FLVCR1: variants seen among roughly 807,000 people sequenced by gnomAD.
The protein encoded by FLVCR1 is FLVCR choline and heme transporter 1.
FLVCR1 carries 34 observed loss-of-function variants against 53.6 expected under a neutral mutation model. That is an observed-to-expected ratio of 0.63 (90% CI 0.48 to 0.84). FLVCR1 has a LOEUF of 0.84. FLVCR1 is among the 40% of genes least tolerant of loss of function. The pLI, the probability that FLVCR1 is intolerant of heterozygous loss-of-function variation, is 0.00. For missense variants in FLVCR1, 677 were observed against 696.7 expected, an observed-to-expected ratio of 0.97 and a Z score of 0.32; for synonymous variants, 300 against 286.3, an observed-to-expected ratio of 1.05 and a Z score of -0.48.
rs1664091987 is a variant in FLVCR1, at chr1:212,858,491, G to A, written c.39G>A (p.Ala13=). The A allele has an allele frequency of 1.4e-6, 2 of 1,444,926 alleles. No individual in the cohort carries two copies. Among genetic ancestry groups the A allele is most frequent in the Non-Finnish European group, 1.8e-6 (2 of 1,103,366 alleles). 89.5% of individuals were successfully genotyped at this position (1,444,926 alleles called of 1,614,324 possible). Residue 13 remains alanine (A), a synonymous_variant, in exon 1 of 10, where the codon GCG becomes GCA. Transcript: ENST00000366971. ...ACGATGAGGAGGGGGCGGCGGTGGC[G>A]CCCGGACACCCGCTCGCGAAAGGAT... ...RPDDEEGAAV[A]PGHPLAKGYL... is the part of the protein sequence containing the mutation.
intron 3 of FLVCR1, among the ~76,000 whole-genome samples, chr1:212,882,864 T>C (rs943455078): frequency 1.4e-5 from 2 of 142,288 alleles, no homozygotes; most frequent in African/African-American, 5.0e-5. Flanking sequence ...GCACCACTAC[T>C]CTCCAGCCTG....
rs1665347253 is a variant in FLVCR1 at position 212,896,854 on chromosome 1, C to A, written c.*1564C>A. 2.8e-5 allele frequency: 1 copy of A among 36,034 alleles called. No individual in the cohort carries two copies. Among genetic ancestry groups the A allele is most frequent in the Non-Finnish European group, 4.4e-5 (1 of 22,526 alleles). 2.2% of individuals were successfully genotyped at this position (36,034 alleles called of 1,614,324 possible). On this transcript the variant is annotated 3_prime_UTR_variant, in exon 10 of 10. Coordinates refer to ENST00000366971, the MANE Select transcript of FLVCR1 (RefSeq NM_014053.4). ...CCAACATGGTAAAACCCCATCTCTA[C>A]TAAAAAAAAAAAAAAAAAAAAAAAA...
At chr1:212,876,976 C>T (rs1664769783) in intron 3 of FLVCR1, among the ~76,000 whole-genome samples, 1 of 152,060 alleles carries the variant, frequency 6.6e-6, no homozygotes, top group Non-Finnish European at 1.5e-5. Context: ...GTTCCTTTTT[C>T]TCCACAACCT....
chr1:212,889,336 C>T, intron 8 of FLVCR1, 79 bp downstream of exon 8: 1 of 909,708 alleles, frequency 1.1e-6, no homozygotes. Context: ...AATAGCTTGA[C>T]AGAACTCAAG....
At chr1:212,861,035 A>G (rs953095610) in intron 1 of FLVCR1, among the ~76,000 whole-genome samples, 6 of 152,150 alleles carry the variant, frequency 3.9e-5, no homozygotes, top group Admixed American at 2.6e-4. Flanking sequence ...ACAATGTGCA[A>G]ATCTGTTCCG....
intron 3 of FLVCR1, among the ~76,000 whole-genome samples, chr1:212,883,130 T>C (rs1664967279): frequency 6.6e-6 from 1 of 152,174 alleles, no homozygotes; most frequent in Admixed American, 6.5e-5. Flanking sequence ...ATAATAGTAT[T>C]AGGACAGAGT....
intron 2 of FLVCR1, among the ~76,000 whole-genome samples, chr1:212,865,146 T>TG (rs1664368560): frequency 1.3e-5 from 2 of 151,976 alleles, no homozygotes; most frequent in African/African-American, 4.8e-5. Context: ...CTTTTTTTTT[T>TG]TATTATAAGT....
At position 212,871,170 on chromosome 1, in the gene FLVCR1, A is replaced by G. The variant is rs75047090; in HGVS notation, c.884-1508A>G. Among the ~76,000 whole-genome samples the G allele has an allele frequency of 7.6e-3, 1,164 of 152,296 alleles. 18 individuals carry two copies. The highest frequency in any genetic ancestry group is 0.026 in the African/African-American group (1,086 of 41,548). ...ATGCCTTTAATAATCAGTGGCATCT[A>G]ACATTTGTGGTAATTGAGATATGGT... On this transcript the variant is annotated intron_variant, in intron 2 of 9. Transcript: ENST00000366971.
At chr1:212,891,943 T>C (rs1474160532) in intron 8 of FLVCR1, among the ~76,000 whole-genome samples, 1 of 152,226 alleles carries the variant, frequency 6.6e-6, no homozygotes, top group African/African-American at 2.4e-5. Context: ...TTGAGTGGTC[T>C]TGTTAGAAGA....
chr1:212,894,810 TATTA>T (rs1190396896), intron 8 of FLVCR1, among the ~76,000 whole-genome samples, 172 bp from the exon 9 acceptor site: 1 of 152,214 alleles, frequency 6.6e-6, no homozygotes, highest in African/African-American at 2.4e-5. Flanking sequence ...ATGAATGACT[TATTA>T]ATTGTTAACA....
intron 3 of FLVCR1, among the ~76,000 whole-genome samples, chr1:212,879,637 C>A: frequency 6.6e-6 from 1 of 152,084 alleles, no homozygotes; most frequent in East Asian, 1.9e-4. Context: ...CTCACTGCAG[C>A]CTTCACCTCC....
At chr1:212,864,819 C>G (rs1664358801) in intron 2 of FLVCR1, among the ~76,000 whole-genome samples, 1 of 152,072 alleles carries the variant, frequency 6.6e-6, no homozygotes, top group African/African-American at 2.4e-5. Context: ...TCTTAGTTTT[C>G]AAAGAAATGT....
intron 3 of FLVCR1, among the ~76,000 whole-genome samples, chr1:212,880,716 T>C (rs913469977): frequency 5.9e-5 from 9 of 151,698 alleles, no homozygotes; most frequent in African/African-American, 2.2e-4. Flanking sequence ...GAGAATCACT[T>C]GAGCCTGGCA....
At chr1:212,881,619 C>T (rs1664933285) in intron 3 of FLVCR1, among the ~76,000 whole-genome samples, 1 of 152,062 alleles carries the variant, frequency 6.6e-6, no homozygotes, top group African/African-American at 2.4e-5. Context: ...CCTCAGCCTC[C>T]CAAAGTGTTG....
chr1:212,860,052 G>C (rs1285229502), intron 1 of FLVCR1, among the ~76,000 whole-genome samples: 1 of 152,184 alleles, frequency 6.6e-6, no homozygotes, highest in African/African-American at 2.4e-5. Context: ...GGAGGCTGAG[G>C]CAGGCGGATC....
chr1:212,860,351 T>TG (rs1664190553), intron 1 of FLVCR1, among the ~76,000 whole-genome samples: 1 of 68,214 alleles, frequency 1.5e-5, no homozygotes, highest in Non-Finnish European at 3.0e-5. Flanking sequence ...GTGTGTGTGG[T>TG]TTTTTTTTTT....
intron 2 of FLVCR1, among the ~76,000 whole-genome samples, chr1:212,870,702 T>TA (rs11334767): frequency 6.6e-6 from 1 of 152,036 alleles, no homozygotes; most frequent in Non-Finnish European, 1.5e-5. Flanking sequence ...TCCTAATTTC[T>TA]AAAAAAAATT....
chr1:212,867,157 T>G (rs1664461613), intron 2 of FLVCR1, among the ~76,000 whole-genome samples: 1 of 152,262 alleles, frequency 6.6e-6, no homozygotes, highest in South Asian at 2.1e-4. Flanking sequence ...GCAGTCTGCT[T>G]AAAATATTTT....
At position 212,888,479 on chromosome 1, in the gene FLVCR1, A is replaced by G. The variant is rs202122689; in HGVS notation, c.1308-10A>G. 5 of 1,592,364 alleles carry G rather than the reference A, an allele frequency of 3.1e-6. No homozygotes were observed. Among genetic ancestry groups the G allele is most frequent in the Non-Finnish European group, 3.4e-6 (4 of 1,160,574 alleles). ...TAGTTCTTTCTGTAATTCTGGATTTATTTTCCTAGCTTCTTCATGACTGGT... is the reference window on the plus strand; with the variant it reads ...TAGTTCTTTCTGTAATTCTGGATTTGTTTTCCTAGCTTCTTCATGACTGGT... On this transcript the variant is annotated splice_polypyrimidine_tract_variant and intron_variant, in intron 6 of 9. Transcript: ENST00000366971.
Sources: allele counts gnomAD v4.1 joint callset (sites outside exome capture counted in the v4.1 genomes callset), GRCh38; gene constraint gnomAD v4.1.1; transcripts MANE v1.5; gene names NCBI Gene and HGNC (gene_info 2026-07-23, HGNC 2026-07-21).